Variants in BRWD3 observed in about 807,000 individuals in gnomAD.
The protein encoded by BRWD3 is bromodomain and WD repeat domain containing 3, also known as bromodomain and WD repeat-containing protein 3.
A neutral mutation model predicts 149.7 loss-of-function variants in BRWD3; 10 were observed. The observed-to-expected ratio is 0.07, with a 90% confidence interval of 0.04 to 0.11. The LOEUF is 0.11. Ranked by LOEUF, BRWD3 falls within the 10% of genes least tolerant of loss-of-function variation. BRWD3 has a pLI of 1.00. For missense variants in BRWD3, 940 were observed against 1,373.2 expected, an observed-to-expected ratio of 0.68 and a Z score of 4.99; for synonymous variants, 504 against 456.7, an observed-to-expected ratio of 1.10 and a Z score of -1.32.
intron 6 of BRWD3, among the ~76,000 whole-genome samples, chrX:80,759,579 C>T (rs758078367): frequency 1.8e-5 from 2 of 111,877 alleles, no homozygotes; most frequent in African/African-American, 3.2e-5. Context: ...CCAGCTCTTA[C>T]GTTTTAGCTA....
At position 80,746,107 on chromosome X, in the gene BRWD3, T is replaced by A. The variant is rs2073589097; in HGVS notation, c.431-378A>T. Among the ~76,000 whole-genome samples, 4 of 110,966 alleles carry A rather than the reference T, an allele frequency of 3.6e-5. No homozygotes were observed. The South Asian group carries it at 1.5e-3, about 41-fold the overall frequency. On this transcript the variant is annotated intron_variant, in intron 6 of 40. Transcript: ENST00000373275. ...CTGTACTTGGTTAAGTATATTCCTC[T>A]AAAAAATTATACAGGAATTTCATAA...
intron 6 of BRWD3, among the ~76,000 whole-genome samples, chrX:80,763,679 T>C (rs757002409): frequency 1.8e-5 from 2 of 111,585 alleles, no homozygotes; most frequent in African/African-American, 3.3e-5. Flanking sequence ...TTTAACAGAA[T>C]ATGCACAGTA....
At chrX:80,802,862 T>G (rs1418942544) in intron 4 of BRWD3, among the ~76,000 whole-genome samples, 1 of 110,719 alleles carries the variant, frequency 9.0e-6, no homozygotes, top group Non-Finnish European at 1.9e-5. Context: ...TCTCAGCACT[T>G]TGGGAGGCCG....
chrX:80,749,539 T>G (rs2147797193), intron 6 of BRWD3, among the ~76,000 whole-genome samples: 1 of 111,394 alleles, frequency 9.0e-6, no homozygotes, highest in Admixed American at 9.6e-5. Context: ...GTATGGAACA[T>G]ATTTTCCATC....
chrX:80,750,468 C>T (rs183176178), intron 6 of BRWD3, among the ~76,000 whole-genome samples: 61 of 110,412 alleles, frequency 5.5e-4, no homozygotes, highest in Non-Finnish European at 7.4e-4. Context: ...AATGGATATA[C>T]GAAAAAATGC....
chrX:80,783,863 C>T (rs1016646724), intron 6 of BRWD3, among the ~76,000 whole-genome samples: 1 of 111,357 alleles, frequency 9.0e-6, no homozygotes, highest in African/African-American at 3.3e-5. Flanking sequence ...TTTGTAGGAG[C>T]TAAAAATTAA....
chrX:80,806,224 C>T (rs2074347150), intron 4 of BRWD3, among the ~76,000 whole-genome samples: 1 of 110,898 alleles, frequency 9.0e-6, no homozygotes, highest in South Asian at 3.7e-4. Flanking sequence ...ACAGAACAAA[C>T]TCTGTGTACG....
At chrX:80,775,319 A>C (rs917762240) in intron 6 of BRWD3, among the ~76,000 whole-genome samples, 3 of 111,310 alleles carry the variant, frequency 2.7e-5, no homozygotes, top group African/African-American at 6.5e-5. Context: ...CCCATCACAA[A>C]CTCTAAGCCT....
intron 30 of BRWD3, 117 bp from the exon 31 acceptor site, chrX:80,691,290 C>A: frequency 1.3e-6 from 1 of 760,780 alleles, no homozygotes; most frequent in Non-Finnish European, 1.9e-6. Context: ...TTTCTAAAAC[C>A]ATGAGGATTC....
At position 80,692,997 on chromosome X, in the gene BRWD3, C is replaced by T. The variant is rs763124144; in HGVS notation, c.3206G>A (p.Ser1069Asn). ...ATACTCTGGTTGAAAAGGCTGCTGA[C>T]TCTCCACAGTCCCAAACCACCAGGC... ...DDAWWFGTVE[S>N]QQPFQPEYPD... Residue 1069 changes from serine to asparagine, a missense_variant, in exon 28 of 41, where the codon AGT becomes AAT. Physicochemically the swap from Ser to Asn is conservative, Grantham distance 46. Coordinates refer to ENST00000373275, the MANE Select transcript of BRWD3 (RefSeq NM_153252.5). 3.3e-6 allele frequency: 4 copies of T among 1,209,832 alleles called. No individual in the cohort carries two copies. Among genetic ancestry groups the T allele is most frequent in the South Asian group, 1.8e-5 (1 of 56,857 alleles).
intron 6 of BRWD3, among the ~76,000 whole-genome samples, chrX:80,753,105 C>T (rs2073690903): frequency 9.0e-6 from 1 of 111,434 alleles, no homozygotes; most frequent in Non-Finnish European, 1.9e-5. Context: ...GGTTATTAGT[C>T]CCCTATCAGA....
At chrX:80,710,636 A>G (rs2072950648) in intron 20 of BRWD3, 3 of 603,379 alleles carry the variant, frequency 5.0e-6, no homozygotes, top group African/African-American at 4.5e-5. Flanking sequence ...AAGAAAGGCC[A>G]CAGAGAAAGG....
At chrX:80,740,946 C>T (rs1288752633) in intron 8 of BRWD3, among the ~76,000 whole-genome samples, 59 of 111,227 alleles carry the variant, frequency 5.3e-4, no homozygotes, top group African/African-American at 1.8e-3. Context: ...TTTTAGAGTA[C>T]ATGTGCACAA....
At chrX:80,791,779 T>C (rs2074184651) in intron 6 of BRWD3, 75 bp downstream of exon 6, 1 of 753,741 alleles carries the variant, frequency 1.3e-6, no homozygotes, top group Non-Finnish European at 2.0e-6. Flanking sequence ...TTTTGGTACC[T>C]ATTTTTGTCT....
At chrX:80,772,439 C>T (rs775061527) in intron 6 of BRWD3, among the ~76,000 whole-genome samples, 23 of 110,417 alleles carry the variant, frequency 2.1e-4, no homozygotes, top group South Asian at 2.0e-3. Context: ...GGACACAGGG[C>T]GGGGAACATC....
intron 6 of BRWD3, among the ~76,000 whole-genome samples, chrX:80,789,521 G>A (rs920164641): frequency 2.7e-5 from 3 of 111,375 alleles, no homozygotes; most frequent in East Asian, 2.9e-4. Context: ...GACTACAGGC[G>A]CGTGCCACCA....
chrX:80,755,130 T>C (rs2073722352), intron 6 of BRWD3, among the ~76,000 whole-genome samples: 1 of 112,193 alleles, frequency 8.9e-6, no homozygotes, highest in Admixed American at 9.5e-5. Context: ...TTTGTAAATG[T>C]TGAACCATCT....
intron 11 of BRWD3, among the ~76,000 whole-genome samples, chrX:80,733,812 T>A (rs1191257526): frequency 3.6e-5 from 4 of 111,466 alleles, no homozygotes; most frequent in African/African-American, 6.5e-5. Context: ...AATTTAATAG[T>A]AGTTGCATTA....
intron 24 of BRWD3, among the ~76,000 whole-genome samples, chrX:80,700,340 C>A (rs934184225): frequency 2.0e-5 from 2 of 99,313 alleles, no homozygotes; most frequent in Non-Finnish European, 4.1e-5. Context: ...GGAAAATGTA[C>A]ACAAAACTGG....
Sources: allele counts gnomAD v4.1 joint callset (sites outside exome capture counted in the v4.1 genomes callset), GRCh38; gene constraint gnomAD v4.1.1; transcripts MANE v1.5; gene names NCBI Gene and HGNC (gene_info 2026-07-23, HGNC 2026-07-21).